SBF2: variants seen among roughly 807,000 people sequenced by gnomAD.
SBF2 encodes the protein myotubularin-related protein 13.
In SBF2, 112 loss-of-function variants were observed where a neutral mutation model predicts 225.2. The ratio of observed to expected loss-of-function variants is 0.50; its 90% confidence interval spans 0.43 to 0.58. SBF2 has a LOEUF of 0.58. Ranked by LOEUF, SBF2 falls within the 20% of genes least tolerant of loss-of-function variation. SBF2 has a pLI of 0.00. For synonymous variants in SBF2, 763 were observed against 773.3 expected, an observed-to-expected ratio of 0.99 and a Z score of 0.22; for missense variants, 1,996 against 2,206.2, an observed-to-expected ratio of 0.90 and a Z score of 1.91.
chr11:9,912,903 C>T (rs1590417698), intron 16 of SBF2, among the ~76,000 whole-genome samples: 1 of 152,126 alleles, frequency 6.6e-6, no homozygotes, highest in African/African-American at 2.4e-5. Flanking sequence ...AACTGTTATC[C>T]AGACTATATA....
intron 2 of SBF2, among the ~76,000 whole-genome samples, chr11:10,064,957 A>G (rs534142013): frequency 6.6e-6 from 1 of 152,320 alleles, no homozygotes; most frequent in East Asian, 1.9e-4. Flanking sequence ...TCCACACAGC[A>G]GCAGCAGAAT....
chr11:10,045,326 C>T (rs1949812634), intron 2 of SBF2, among the ~76,000 whole-genome samples: 1 of 152,080 alleles, frequency 6.6e-6, no homozygotes, highest in African/African-American at 2.4e-5. Context: ...CGCCATCATG[C>T]CCAGGTAATT....
intron 32 of SBF2, 126 bp from the exon 33 acceptor site, chr11:9,796,083 T>A: frequency 1.1e-6 from 1 of 937,618 alleles, no homozygotes; most frequent in South Asian, 1.4e-5. Flanking sequence ...AATACCTGAA[T>A]CCCTACCATA....
At chr11:10,116,174 G>GA (rs1210264962) in intron 2 of SBF2, among the ~76,000 whole-genome samples, 1 of 151,584 alleles carries the variant, frequency 6.6e-6, no homozygotes, top group East Asian at 1.9e-4. Context: ...CTCTCAAAAA[G>GA]AAAAAAAGGA....
At chr11:9,984,348 G>GGTCTTTGAATTAACCTAATCCAAC (rs1565095309) in intron 13 of SBF2, among the ~76,000 whole-genome samples, 1 of 152,062 alleles carries the variant, frequency 6.6e-6, no homozygotes, top group Admixed American at 6.5e-5. Flanking sequence ...TGGAAGACAA[G>GGTCTTTGAATTAACCTAATCCAAC]GTCTTTGAAT....
intron 1 of SBF2, among the ~76,000 whole-genome samples, chr11:10,283,296 CA>C (rs1027120746): frequency 7.2e-5 from 11 of 152,088 alleles, no homozygotes; most frequent in African/African-American, 2.7e-4. Context: ...CAGGTGGCAA[CA>C]AACAGCAACT....
At chr11:10,197,299 G>T (rs547740901) in intron 1 of SBF2, among the ~76,000 whole-genome samples, 1 of 152,302 alleles carries the variant, frequency 6.6e-6, no homozygotes, top group African/African-American at 2.4e-5. Context: ...GGGAGATACT[G>T]CAGGTTTGGT....
At chr11:9,911,069 A>C (rs573582197) in intron 16 of SBF2, among the ~76,000 whole-genome samples, 15 of 150,682 alleles carry the variant, frequency 1.0e-4, no homozygotes, top group Admixed American at 2.6e-4. Context: ...AAAAAACAAA[A>C]AAAACAAAAA....
chr11:9,944,285 C>G (rs1191802958), intron 16 of SBF2, among the ~76,000 whole-genome samples: 1 of 152,188 alleles, frequency 6.6e-6, no homozygotes, highest in Non-Finnish European at 1.5e-5. Flanking sequence ...TGCAGTATAG[C>G]TCTGAAGGAC....
In SBF2 at chr11:9,962,119, G is replaced by C. The variant is rs774142552; in HGVS notation, c.1711-13C>G. On this transcript the variant is annotated splice_polypyrimidine_tract_variant and intron_variant, in intron 15 of 39. Transcript: ENST00000256190. ...CAGCAGGAAGGGTCTGAGGACAAGA[G>C]AGGTACAAATGACCAAATGGTACCA... The C allele has an allele frequency of 6.8e-6, 11 of 1,613,760 alleles. No homozygotes were observed. The highest frequency in any genetic ancestry group is 2.2e-5 in the South Asian group (2 of 91,076).
chr11:9,891,725 T>C (rs1350289992), intron 17 of SBF2, among the ~76,000 whole-genome samples: 6 of 152,272 alleles, frequency 3.9e-5, no homozygotes, highest in Non-Finnish European at 8.8e-5. Flanking sequence ...GAATTACATG[T>C]TACTTAGTAA....
chr11:10,237,369 A>G (rs560827708), intron 1 of SBF2, among the ~76,000 whole-genome samples: 1 of 152,144 alleles, frequency 6.6e-6, no homozygotes, highest in Non-Finnish European at 1.5e-5. Flanking sequence ...AACAACAACA[A>G]CAACAAAACT....
At chr11:10,274,883 T>G (rs1962836439) in intron 1 of SBF2, among the ~76,000 whole-genome samples, 1 of 152,246 alleles carries the variant, frequency 6.6e-6, no homozygotes, top group Non-Finnish European at 1.5e-5. Flanking sequence ...CTTAAAATTT[T>G]TAACAAGTAT....
chr11:10,102,298 T>C (rs1952341742), intron 2 of SBF2, among the ~76,000 whole-genome samples: 1 of 152,238 alleles, frequency 6.6e-6, no homozygotes, highest in Non-Finnish European at 1.5e-5. Context: ...TAAGACCTCA[T>C]CTGCACTTCT....
At chr11:10,149,297 C>T (rs953174892) in intron 2 of SBF2, 3 of 152,078 alleles carry the variant, frequency 2.0e-5, no homozygotes, top group Non-Finnish European at 4.4e-5. Context: ...ACTGAGAAGT[C>T]TTATGGGGTC....
chr11:10,204,294 CA>C (rs898877243), intron 1 of SBF2, among the ~76,000 whole-genome samples: 1 of 146,000 alleles, frequency 6.8e-6, no homozygotes, highest in Admixed American at 6.8e-5. Context: ...AAATATCCTT[CA>C]AAAAAAAAGC....
intron 6 of SBF2, among the ~76,000 whole-genome samples, chr11:10,023,080 C>T (rs1948921402): frequency 6.6e-6 from 1 of 152,098 alleles, no homozygotes; most frequent in Non-Finnish European, 1.5e-5. Context: ...TCATTTCTTT[C>T]ATCTTTATTA....
At chr11:10,141,989 T>A (rs183906405) in intron 2 of SBF2, among the ~76,000 whole-genome samples, 1 of 152,292 alleles carries the variant, frequency 6.6e-6, no homozygotes, top group Admixed American at 6.5e-5. Context: ...GCTCTGCACC[T>A]CTTCTTAGAA....
At chr11:9,841,669 A>T (rs1043289901) in intron 25 of SBF2, among the ~76,000 whole-genome samples, 7 of 152,048 alleles carry the variant, frequency 4.6e-5, no homozygotes, top group African/African-American at 1.7e-4. Flanking sequence ...AGCAGTAGGG[A>T]CTACAGGCGC....
Sources: allele counts gnomAD v4.1 joint callset (sites outside exome capture counted in the v4.1 genomes callset), GRCh38; gene constraint gnomAD v4.1.1; transcripts MANE v1.5; gene names NCBI Gene and HGNC (gene_info 2026-07-23, HGNC 2026-07-21).